GABRA2: variants seen among roughly 807,000 people sequenced by gnomAD.
The protein encoded by GABRA2 is gamma-aminobutyric acid receptor subunit alpha-2.
Under a neutral mutation model 48.7 loss-of-function variants are expected in GABRA2, and 16 were observed. That is an observed-to-expected ratio of 0.33 (90% confidence interval 0.22 to 0.50). The LOEUF is 0.50. Ranked by LOEUF, GABRA2 falls within the 20% of genes least tolerant of loss-of-function variation. The probability of loss-of-function intolerance (pLI) is 0.98; values close to 1 mark genes in which losing one functional copy is unlikely to be tolerated. For missense variants in GABRA2, 275 were observed against 535.6 expected (o/e 0.51, Z 4.80); for synonymous variants, 185 against 184.5 (o/e 1.00, Z -0.02).
intron 8 of GABRA2, among the ~76,000 whole-genome samples, chr4:46,276,610 A>T (rs946533833): frequency 6.6e-5 from 10 of 152,044 alleles, no homozygotes; most frequent in Admixed American, 6.6e-5. Context: ...AAAAAAAAAA[A>T]AAAAAAGAGC....
In GABRA2 at chr4:46,331,346, G is replaced by C. The variant is rs1203286867; in HGVS notation, c.255+1269C>G. ...CAGGTCAAGATAAGAAATCTCTGAGGTCAGAGGTGTGGCTCTGATGGAATA... is the reference window on the plus strand; with the variant it reads ...CAGGTCAAGATAAGAAATCTCTGAGCTCAGAGGTGTGGCTCTGATGGAATA... On this transcript the variant is annotated intron_variant, in intron 4 of 9. Transcript: ENST00000381620. 3.9e-5 allele frequency among the ~76,000 whole-genome samples: 6 copies of C among 152,262 alleles called. No individual in the cohort carries two copies. The East Asian group carries it at 1.2e-3, about 29-fold the overall frequency.
intron 8 of GABRA2, among the ~76,000 whole-genome samples, chr4:46,273,203 C>A (rs973209280): frequency 6.6e-6 from 1 of 151,816 alleles, no homozygotes; most frequent in African/African-American, 2.4e-5. Flanking sequence ...GTTTACAGCA[C>A]TTTGAATGTG....
chr4:46,336,551 A>G (rs147606059), intron 3 of GABRA2, among the ~76,000 whole-genome samples: 29 of 152,338 alleles, frequency 1.9e-4, no homozygotes, highest in African/African-American at 7.0e-4. Flanking sequence ...TACCAAGAGT[A>G]ATATGCAAAA....
At chr4:46,253,772 G>A (rs777859215) in intron 9 of GABRA2, among the ~76,000 whole-genome samples, 18 of 151,384 alleles carry the variant, frequency 1.2e-4, no homozygotes, top group Non-Finnish European at 2.5e-4. Context: ...TGAATGAAGG[G>A]CAGGGCAATC....
intron 4 of GABRA2, among the ~76,000 whole-genome samples, chr4:46,324,777 A>C (rs904997259): frequency 6.6e-6 from 1 of 151,290 alleles, no homozygotes; most frequent in Non-Finnish European, 1.5e-5. Context: ...GTCTATGTGT[A>C]CTTGATGTTT....
At chr4:46,323,618 T>C (rs886506134) in intron 4 of GABRA2, among the ~76,000 whole-genome samples, 2 of 151,898 alleles carry the variant, frequency 1.3e-5, no homozygotes, top group African/African-American at 4.8e-5. Context: ...GAGTGTATAC[T>C]TAGGAAATCT....
chr4:46,331,826 G>A (rs1168079888), intron 4 of GABRA2, among the ~76,000 whole-genome samples: 1 of 151,970 alleles, frequency 6.6e-6, no homozygotes, highest in Non-Finnish European at 1.5e-5. Context: ...CGACCTCCTG[G>A]GCTCAAGTGA....
intron 3 of GABRA2, among the ~76,000 whole-genome samples, chr4:46,374,361 A>C (rs1398787833): frequency 6.6e-6 from 1 of 152,160 alleles, no homozygotes. Flanking sequence ...GAAGTTTTAA[A>C]CATACCTAAT....
intron 4 of GABRA2, among the ~76,000 whole-genome samples, chr4:46,323,219 C>T (rs570835134): frequency 1.2e-3 from 186 of 151,940 alleles, no homozygotes; most frequent in African/African-American, 4.3e-3. Context: ...GTCTTTATGG[C>T]CTTTATGGTC....
At chr4:46,343,752 G>T (rs1397102228) in intron 3 of GABRA2, among the ~76,000 whole-genome samples, 1 of 151,944 alleles carries the variant, frequency 6.6e-6, no homozygotes, top group Admixed American at 6.6e-5. Flanking sequence ...AAGATTAAAT[G>T]AGTTACTTTA....
At chr4:46,254,903 A>G (rs1715505491) in intron 9 of GABRA2, among the ~76,000 whole-genome samples, 1 of 151,492 alleles carries the variant, frequency 6.6e-6, no homozygotes. Flanking sequence ...TGTGACTGGT[A>G]ACACAATTCA....
rs1257910409 is a variant in GABRA2, at chr4:46,246,000, A to T, written c.*4308T>A. The stretch of plus-strand genomic sequence containing the variant: ...ATTAAGAATTTTAGCAAAAAAACAA[A>T]ATTATGATATATAATATTTATAAGT... On this transcript the variant is annotated 3_prime_UTR_variant, in exon 10 of 10. Coordinates refer to ENST00000381620, the MANE Select transcript of GABRA2 (RefSeq NM_000807.4). Among the ~76,000 whole-genome samples the T allele has an allele frequency of 6.6e-6, 1 of 151,166 alleles. No individual in the cohort carries two copies. Among genetic ancestry groups the T allele is most frequent in the African/African-American group, 2.4e-5 (1 of 41,352 alleles).
At position 46,303,578 on chromosome 4, in the gene GABRA2, C is replaced by T. The variant is rs750383920; in HGVS notation, c.738G>A (p.Leu246=). ...TCACAAAATACCCAATTTTTCTTTT[C>T]AGGTGGAAATGAGCTGTCATTACAG... ...EYTVMTAHFH[L]KRKIGYFVIQ... Residue 246 remains leucine (L), a synonymous_variant, in exon 8 of 10, where the codon CTG becomes CTA. Coordinates refer to ENST00000381620, the MANE Select transcript of GABRA2 (RefSeq NM_000807.4). 1.2e-6 allele frequency: 2 copies of T among 1,613,592 alleles called. No individual in the cohort carries two copies. The highest frequency in any genetic ancestry group is 2.2e-5 in the East Asian group (1 of 44,858).
chr4:46,296,280 C>T (rs1027886338), intron 8 of GABRA2, among the ~76,000 whole-genome samples: 1 of 152,084 alleles, frequency 6.6e-6, no homozygotes, highest in African/African-American at 2.4e-5. Flanking sequence ...TTCCTGTTCC[C>T]GTGACATTAT....
intron 3 of GABRA2, among the ~76,000 whole-genome samples, chr4:46,357,336 A>G (rs1253397016): frequency 6.7e-6 from 1 of 150,136 alleles, no homozygotes; most frequent in African/African-American, 2.5e-5. Context: ...AGGAGAAAAA[A>G]GGGTCTTATT....
rs193157187 is a variant in GABRA2 at position 46,319,241 on chromosome 4, A to T, written c.256-6525T>A. Among the ~76,000 whole-genome samples, 65 of 151,896 alleles carry T rather than the reference A, an allele frequency of 4.3e-4. 1 individual carries two copies. The highest frequency in any genetic ancestry group is 1.3e-3 in the African/African-American group (55 of 41,518). ...TAATTATAAATCAGTACTTATAGCCAATTCCTGAAGAATCTTATCCACTCA... is the reference window on the plus strand; with the variant it reads ...TAATTATAAATCAGTACTTATAGCCTATTCCTGAAGAATCTTATCCACTCA... On this transcript the variant is annotated intron_variant, in intron 4 of 9. Transcript: ENST00000381620.
chr4:46,358,333 C>CA (rs1736336093), intron 3 of GABRA2, among the ~76,000 whole-genome samples: 1 of 152,172 alleles, frequency 6.6e-6, no homozygotes, highest in Non-Finnish European at 1.5e-5. Context: ...TTAGAGGATA[C>CA]TGTTATTTAA....
chr4:46,383,850 T>C (rs554624749), intron 3 of GABRA2, among the ~76,000 whole-genome samples: 1 of 152,202 alleles, frequency 6.6e-6, no homozygotes, highest in South Asian at 2.1e-4. Context: ...GAGAATGAAT[T>C]ATCAAGAGAA....
chr4:46,378,568 C>G (rs957745442), intron 3 of GABRA2, among the ~76,000 whole-genome samples: 1 of 151,624 alleles, frequency 6.6e-6, no homozygotes, highest in Non-Finnish European at 1.5e-5. Flanking sequence ...GACCTTTGTT[C>G]ACTTGTTTAT....
Sources: gnomAD v4.1 joint callset for allele counts (sites outside exome capture counted in the v4.1 genomes callset) on GRCh38, gnomAD v4.1.1 for gene constraint, MANE v1.5 for transcripts, NCBI Gene and HGNC (gene_info 2026-07-23, HGNC 2026-07-21) for gene names.